Variants in ACTR3C observed in about 807,000 individuals in gnomAD.
ACTR3C encodes actin related protein 3C.
In ACTR3C, 18 loss-of-function variants were observed where a neutral mutation model predicts 26.3. That is an observed-to-expected ratio of 0.68 (90% CI 0.47 to 1.01). ACTR3C has a LOEUF of 1.01. Ranked by LOEUF, ACTR3C falls within the 50% of genes least tolerant of loss-of-function variation. ACTR3C has a pLI of 0.00. For synonymous variants in ACTR3C, 55 were observed against 94.5 expected (o/e 0.58, Z 2.42); for missense variants, 184 against 250.7 (o/e 0.73, Z 1.80).
chr7:149,981,159 C>T, the ACTR3C span, among the ~76,000 whole-genome samples: 2 of 152,096 alleles, frequency 1.3e-5, no homozygotes, highest in Non-Finnish European at 2.9e-5. Context: ...GGCTGTATAA[C>T]ACTCTAAGAG....
chr7:150,225,090 T>C, the ACTR3C span, among the ~76,000 whole-genome samples: 2 of 151,888 alleles, frequency 1.3e-5, no homozygotes, highest in East Asian at 3.9e-4. Flanking sequence ...TTTATGGCAC[T>C]ACAAGGTGCC....
chr7:150,221,185 G>A, the ACTR3C span, among the ~76,000 whole-genome samples: 57 of 152,392 alleles, frequency 3.7e-4, no homozygotes, highest in African/African-American at 1.3e-3. Context: ...GGCCCAATTG[G>A]CTTGACCAGG....
At chr7:149,893,960 A>T in the ACTR3C span, among the ~76,000 whole-genome samples, 5 of 152,180 alleles carry the variant, frequency 3.3e-5, no homozygotes, top group Non-Finnish European at 7.4e-5. Context: ...ACCACAAGAG[A>T]CCCCAAACAG....
the ACTR3C span, among the ~76,000 whole-genome samples, chr7:150,098,705 C>G: frequency 6.6e-6 from 1 of 151,810 alleles, no homozygotes; most frequent in East Asian, 1.9e-4. Flanking sequence ...GTGGCACAGA[C>G]AATGAAACCT....
the ACTR3C span, among the ~76,000 whole-genome samples, chr7:150,045,337 GA>G: frequency 6.6e-6 from 1 of 152,262 alleles, no homozygotes; most frequent in African/African-American, 2.4e-5. Context: ...ACTTTTCTAA[GA>G]AGAGTGCATA....
the ACTR3C span, among the ~76,000 whole-genome samples, chr7:150,150,905 T>C: frequency 1.0e-3 from 139 of 137,950 alleles, 26 homozygotes; most frequent in Admixed American, 1.5e-3. Flanking sequence ...ATCTTCACTA[T>C]GTATTTTGCC....
chr7:150,094,365 C>T, the ACTR3C span, among the ~76,000 whole-genome samples: 2 of 149,444 alleles, frequency 1.3e-5, no homozygotes, highest in East Asian at 1.9e-4. Context: ...TTCTGGCCCT[C>T]CCTAGACATA....
chr7:150,021,950 A>G, the ACTR3C span, among the ~76,000 whole-genome samples: 5,777 of 151,740 alleles, frequency 0.038, 233 homozygotes, highest in African/African-American at 0.09. Flanking sequence ...TGTCTTTTTC[A>G]TATAATGACT....
At chr7:150,082,934 C>CTTTTTTTTTTTTTTTTT in the ACTR3C span, among the ~76,000 whole-genome samples, 6 of 104,970 alleles carry the variant, frequency 5.7e-5, no homozygotes, top group African/African-American at 1.1e-4. Flanking sequence ...TCTTTTTTTT[C>CTTTTTTTTTTTTTTTTT]TTTTTTTTTT....
the ACTR3C span, among the ~76,000 whole-genome samples, chr7:149,941,516 G>A: frequency 6.6e-6 from 1 of 152,096 alleles, no homozygotes; most frequent in Non-Finnish European, 1.5e-5. Flanking sequence ...CTGCAGGGAG[G>A]GATGCTTGTT....
the ACTR3C span, among the ~76,000 whole-genome samples, chr7:150,104,512 G>A: frequency 4.0e-5 from 6 of 151,734 alleles, no homozygotes; most frequent in African/African-American, 1.5e-4. Context: ...TTCAGGATGT[G>A]TCATCACAGT....
At chr7:150,143,865 G>GC in the ACTR3C span, among the ~76,000 whole-genome samples, 3 of 152,226 alleles carry the variant, frequency 2.0e-5, no homozygotes, top group East Asian at 1.9e-4. Context: ...GAGGCAAGAG[G>GC]CCCCCTGTGG....
intron 6 of ACTR3C, among the ~76,000 whole-genome samples, chr7:150,276,393 GA>G (rs1330435058): frequency 6.6e-6 from 1 of 152,194 alleles, no homozygotes; most frequent in African/African-American, 2.4e-5. Flanking sequence ...CACAGGTTAA[GA>G]GGACAGCCCT....
At chr7:149,898,786 TAAC>T in the ACTR3C span, among the ~76,000 whole-genome samples, 1 of 152,182 alleles carries the variant, frequency 6.6e-6, no homozygotes, top group African/African-American at 2.4e-5. Flanking sequence ...ATACTTCTTT[TAAC>T]AACTATACAG....
At chr7:150,275,713 A>G (rs1476162184) in intron 6 of ACTR3C, among the ~76,000 whole-genome samples, 6 of 101,484 alleles carry the variant, frequency 5.9e-5, no homozygotes, top group African/African-American at 3.4e-4. Context: ...ACTCTGTCTC[A>G]AAAAAAAAAC....
the ACTR3C span, among the ~76,000 whole-genome samples, chr7:150,131,551 T>C: frequency 3.3e-5 from 5 of 152,150 alleles, no homozygotes; most frequent in African/African-American, 1.2e-4. Flanking sequence ...AAAAAATGGC[T>C]GAATCTTAGC....
the ACTR3C span, among the ~76,000 whole-genome samples, chr7:150,216,429 T>TG: frequency 6.6e-6 from 1 of 151,660 alleles, no homozygotes; most frequent in African/African-American, 2.4e-5. Flanking sequence ...TTTCTGGGGT[T>TG]GTGGGGGTGA....
At chr7:150,270,521 G>A (rs1036479779) in intron 6 of ACTR3C, among the ~76,000 whole-genome samples, 2 of 148,810 alleles carry the variant, frequency 1.3e-5, no homozygotes, top group African/African-American at 5.0e-5. Flanking sequence ...ACACCTGGCA[G>A]TCTAGAAGCT....
the ACTR3C span, among the ~76,000 whole-genome samples, chr7:150,134,028 A>G: frequency 6.6e-6 from 1 of 152,230 alleles, no homozygotes; most frequent in East Asian, 1.9e-4. Flanking sequence ...ATGAGCCACC[A>G]CCAAGCCTGG....
Sources: gnomAD v4.1 joint callset for allele counts (sites outside exome capture counted in the v4.1 genomes callset) on GRCh38, gnomAD v4.1.1 for gene constraint, MANE v1.5 for transcripts, NCBI Gene and HGNC (gene_info 2026-07-23, HGNC 2026-07-21) for gene names.